ABCC8: variants seen among roughly 807,000 people sequenced by gnomAD.
The protein encoded by ABCC8 is ATP-binding cassette sub-family C member 8.
ABCC8 carries 137 observed loss-of-function variants against 188.0 expected under a neutral mutation model. That is an observed-to-expected ratio of 0.73 (90% CI 0.63 to 0.84). ABCC8 has a LOEUF of 0.84. ABCC8 is among the 40% of genes least tolerant of loss of function. ABCC8 has a pLI of 0.00. For synonymous variants in ABCC8, 797 were observed against 846.5 expected (o/e 0.94, Z 1.01); for missense variants, 1,750 against 2,072.7 (o/e 0.84, Z 3.02).
chr11:17,455,963 G>C (rs377096154), intron 6 of ABCC8, among the ~76,000 whole-genome samples: 2 of 147,964 alleles, frequency 1.4e-5, no homozygotes, highest in Non-Finnish European at 3.0e-5. Context: ...AAAAAAAGAA[G>C]TGGGTACTAG....
At chr11:17,397,345 A>T (rs746498492) in intron 31 of ABCC8, 32 bp from the exon 32 acceptor site, 2 of 1,605,438 alleles carry the variant, frequency 1.2e-6, no homozygotes, top group Non-Finnish European at 1.7e-6. Context: ...CGCACACTCC[A>T]TGGTCGCTTA....
intron 6 of ABCC8, among the ~76,000 whole-genome samples, chr11:17,457,314 G>A (rs1285586919): frequency 6.6e-6 from 1 of 152,046 alleles, no homozygotes; most frequent in African/African-American, 2.4e-5. Flanking sequence ...AAAGACACAG[G>A]GACAAACAGA....
At position 17,428,568 on chromosome 11, in the gene ABCC8, C is replaced by A. The variant is rs146156937; in HGVS notation, c.1920G>T (p.Ala640=). 6.2e-7 allele frequency: 1 copy of A among 1,614,052 alleles called. No individual in the cohort carries two copies. The highest frequency in any genetic ancestry group is 1.3e-5 in the African/African-American group (1 of 75,058). The change falls in exon 13 of 39, where the codon GCG becomes GCT. Residue 640 remains alanine (A), a synonymous_variant. Coordinates refer to ENST00000389817, the MANE Select transcript of ABCC8 (RefSeq NM_000352.6). ...CAAGGGGAGGCCGGGCACTCACCAC[C>A]GCCTGGTACTTGCTGGCTGGGCCCT... ...TPQGPASKYQ[A]VPLRVVNRKR... is the part of the protein sequence containing the mutation.
At chr11:17,463,354 G>T in intron 4 of ABCC8, 84 bp downstream of exon 4, 1 of 1,172,644 alleles carries the variant, frequency 8.5e-7, no homozygotes. Context: ...TGGCTGAGAA[G>T]CAGGGTGGGG....
intron 16 of ABCC8, among the ~76,000 whole-genome samples, chr11:17,419,969 C>G (rs1396528639): frequency 6.6e-6 from 1 of 152,160 alleles, no homozygotes; most frequent in Non-Finnish European, 1.5e-5. Context: ...TGTATTACAG[C>G]TCACAGCTGG....
chr11:17,405,641 T>C, intron 26 of ABCC8, 78 bp from the exon 27 acceptor site: 1 of 1,610,630 alleles, frequency 6.2e-7, no homozygotes, highest in Non-Finnish European at 8.5e-7. Flanking sequence ...TAGTTAATTA[T>C]TTCATGTAAG....
At chr11:17,471,308 A>G (rs1023748917) in intron 2 of ABCC8, among the ~76,000 whole-genome samples, 3 of 152,174 alleles carry the variant, frequency 2.0e-5, no homozygotes, top group Non-Finnish European at 2.9e-5. Context: ...GTGGGCAACC[A>G]AGGACAGCTT....
At chr11:17,423,113 C>T (rs1955422011) in intron 16 of ABCC8, among the ~76,000 whole-genome samples, 2 of 151,954 alleles carry the variant, frequency 1.3e-5, no homozygotes, top group South Asian at 4.2e-4. Context: ...AATCCCAGCA[C>T]TTTGGGAGGC....
intron 17 of ABCC8, among the ~76,000 whole-genome samples, chr11:17,416,593 AT>A (rs1955085554): frequency 6.6e-6 from 1 of 152,054 alleles, no homozygotes; most frequent in Admixed American, 6.6e-5. Flanking sequence ...TCCCATACAC[AT>A]TGGCAGTCCC....
At chr11:17,443,785 T>C (rs538359190) in intron 8 of ABCC8, among the ~76,000 whole-genome samples, 36 of 152,220 alleles carry the variant, frequency 2.4e-4, no homozygotes, top group Non-Finnish European at 4.8e-4. Flanking sequence ...TTCATTCTTA[T>C]GCTCTTGGTT....
At chr11:17,431,118 T>C in intron 11 of ABCC8, 159 bp from the exon 12 acceptor site, 3 of 1,228,826 alleles carry the variant, frequency 2.4e-6, no homozygotes, top group African/African-American at 1.5e-5. Flanking sequence ...CCCACAGTCA[T>C]CTCATGGAAA....
intron 32 of ABCC8, 29 bp downstream of exon 32, chr11:17,397,164 T>C: frequency 6.2e-7 from 1 of 1,613,316 alleles, no homozygotes. Context: ...CCTTGGACTC[T>C]TCCCCACCCC....
intron 27 of ABCC8, 103 bp downstream of exon 27, chr11:17,405,391 G>A: frequency 6.5e-7 from 1 of 1,546,370 alleles, no homozygotes; most frequent in Non-Finnish European, 8.9e-7. Flanking sequence ...TTCCCAGAGG[G>A]CTGTGATCAC....
intron 28 of ABCC8, among the ~76,000 whole-genome samples, chr11:17,403,617 T>C (rs566777511): frequency 3.9e-4 from 60 of 152,358 alleles, no homozygotes; most frequent in African/African-American, 1.4e-3. Context: ...ATCTCAACTC[T>C]AGTTTCTAGC....
At position 17,405,579 on chromosome 11, in the gene ABCC8, A is replaced by C; in HGVS notation, c.3330-16T>G. ...CTCAAAAAACCTAAGAGGCAGCCAG[A>C]GGAAGAGTTACTCATTTGTCCATTG... is the stretch of plus-strand genomic sequence containing the variant. On this transcript the variant is annotated splice_polypyrimidine_tract_variant and intron_variant, in intron 26 of 38. Transcript: ENST00000389817. 6.2e-7 allele frequency: 1 copy of C among 1,614,232 alleles called. No individual in the cohort carries two copies. Among genetic ancestry groups the C allele is most frequent in the South Asian group, 1.1e-5 (1 of 91,090 alleles).
chr11:17,402,920 GC>G (rs1344713211), intron 28 of ABCC8, 167 bp from the exon 29 acceptor site: 2 of 248,218 alleles, frequency 8.1e-6, no homozygotes, highest in Admixed American at 1.3e-4. Flanking sequence ...AGCCCATTGA[GC>G]TTTTGTGAGC....
At chr11:17,476,499 G>A (rs1848783238) in intron 1 of ABCC8, 130 bp downstream of exon 1, 3 of 1,173,190 alleles carry the variant, frequency 2.6e-6, no homozygotes, top group Admixed American at 4.4e-5. Context: ...ACACAGGGCA[G>A]GGGACCCCGG....
chr11:17,393,200 G>C, intron 38 of ABCC8, 72 bp from the exon 39 acceptor site: 1 of 1,598,252 alleles, frequency 6.3e-7, no homozygotes, highest in Non-Finnish European at 8.5e-7. Flanking sequence ...AGCTGAGGGT[G>C]GCCCTCCTGC....
intron 38 of ABCC8, 36 bp downstream of exon 38, chr11:17,393,661 G>C (rs1358535572): frequency 1.1e-5 from 18 of 1,613,696 alleles, no homozygotes; most frequent in Non-Finnish European, 1.5e-5. Context: ...TCCTGTCCCT[G>C]GGTGTCCCTC....
Sources: allele counts gnomAD v4.1 joint callset (sites outside exome capture counted in the v4.1 genomes callset), GRCh38; gene constraint gnomAD v4.1.1; transcripts MANE v1.5; gene names NCBI Gene and HGNC (gene_info 2026-07-23, HGNC 2026-07-21).